The following LRRC75A variants were observed in gnomAD, a reference collection of about 807,000 sequenced individuals.
LRRC75A encodes leucine rich repeat containing 75A, also known as leucine-rich repeat-containing protein 75A.
Under a neutral mutation model 26.0 loss-of-function variants are expected in LRRC75A, and 12 were observed. The ratio of observed to expected loss-of-function variants is 0.46; its 90% confidence interval spans 0.30 to 0.75. The LOEUF is 0.75. Among genes scored for constraint, LRRC75A ranks in the 30% least tolerant of loss-of-function variants. The pLI, the probability that LRRC75A is intolerant of heterozygous loss-of-function variation, is 0.08. For synonymous variants in LRRC75A, 223 were observed against 219.3 expected (o/e 1.02, Z -0.15); for missense variants, 410 against 486.6 (o/e 0.84, Z 1.48).
At chr17:16,475,215 C>T (rs1003739994) in intron 1 of LRRC75A, among the ~76,000 whole-genome samples, 1 of 152,122 alleles carries the variant, frequency 6.6e-6, no homozygotes, top group African/African-American at 2.4e-5. Flanking sequence ...GGATGGGGCG[C>T]TCCAGAGCCC....
Position 16,456,242 on chromosome 17 carries a change from A to AAG in LRRC75A, c.375+6015_375+6016insCT, listed in dbSNP as rs1302873083. ...AGGAGGAAGAAGAGGAGAAAGGAGG[A>AAG]GAAGAAGGAAGAGGATCAGGAAGAG... On this transcript the variant is annotated intron_variant, in intron 2 of 3. Transcript: ENST00000470794. Among the ~76,000 whole-genome samples, 7 of 138,052 alleles carry AAG rather than the reference A, an allele frequency of 5.1e-5. 1 individual carries two copies. Among genetic ancestry groups the AAG allele is most frequent in the African/African-American group, 1.9e-4 (7 of 36,250 alleles). The allele number at this position is 138,052 out of a possible 152,430, so 90.6% of individuals were successfully genotyped here.
intron 1 of LRRC75A, among the ~76,000 whole-genome samples, chr17:16,479,921 G>A (rs539466652): frequency 2.0e-5 from 3 of 152,374 alleles, no homozygotes; most frequent in African/African-American, 7.2e-5. Context: ...TCTGTGACCT[G>A]TTAGGAAGCA....
chr17:16,460,511 T>TGA (rs1295521740), intron 2 of LRRC75A, among the ~76,000 whole-genome samples: 1 of 151,998 alleles, frequency 6.6e-6, no homozygotes, highest in Non-Finnish European at 1.5e-5. Flanking sequence ...AGGCAACCTG[T>TGA]GAGGGGCAGG....
At chr17:16,478,342 C>G (rs920232080) in intron 1 of LRRC75A, 2 of 152,042 alleles carry the variant, frequency 1.3e-5, no homozygotes, top group Non-Finnish European at 2.9e-5. Context: ...CACACTACCA[C>G]GCTCAGCTAA....
rs932574032 is a variant in LRRC75A, at chr17:16,462,866, G to T, written c.247-480C>A. ...GCCTCAGTGTTCCTTTGCCTTGGGG[G>T]TTTCTGAGTGGTGGGGTTGTAAGCA... On this transcript the variant is annotated intron_variant, in intron 1 of 3. Coordinates refer to ENST00000470794, the MANE Select transcript of LRRC75A (RefSeq NM_001113567.3). The surrounding 1 kb of genome is among the most constrained non-coding windows in gnomAD (Gnocchi z 4.6). The T allele has an allele frequency of 1.2e-5, 2 of 170,234 alleles. No individual in the cohort carries two copies. The highest frequency in any genetic ancestry group is 1.1e-4 in the Admixed American group (2 of 17,750). 10.5% of individuals were successfully genotyped at this position (170,234 alleles called of 1,614,324 possible). A position where few individuals can be genotyped will look rare whatever the true frequency, so the allele number is the denominator to read the frequency against.
rs2093569849 is a variant in LRRC75A, at chr17:16,445,009, T to C, written c.492-878A>G. Among the ~76,000 whole-genome samples, 3 of 151,320 alleles carry C rather than the reference T, an allele frequency of 2.0e-5. No individual in the cohort carries two copies. In the South Asian group the frequency reaches 6.3e-4, roughly 32 times the overall value. On this transcript the variant is annotated intron_variant, in intron 3 of 3. Transcript: ENST00000470794. Reference sequence around the variant, plus strand: ...GATTACAGGCGTCTGCCACCACGCCTGGCTAATTTTTGTATTTTTAGTAGA... The same window carrying C: ...GATTACAGGCGTCTGCCACCACGCCCGGCTAATTTTTGTATTTTTAGTAGA...
intron 1 of LRRC75A, among the ~76,000 whole-genome samples, chr17:16,474,640 T>C (rs1247504885): frequency 1.3e-5 from 2 of 152,092 alleles, no homozygotes; most frequent in African/African-American, 4.8e-5. Context: ...TTCTGGCAAA[T>C]GCATTCAAGT....
chr17:16,466,164 C>T (rs567036557), intron 1 of LRRC75A, among the ~76,000 whole-genome samples: 3 of 152,348 alleles, frequency 2.0e-5, no homozygotes, highest in South Asian at 4.1e-4. Flanking sequence ...CCCCCCTCCC[C>T]TAAGCCAGGC....
chr17:16,467,387 G>C (rs1343845714), intron 1 of LRRC75A, among the ~76,000 whole-genome samples: 1 of 152,212 alleles, frequency 6.6e-6, no homozygotes, highest in African/African-American at 2.4e-5. Flanking sequence ...ATTCACGTGT[G>C]TGCAAGGTAA....
intron 2 of LRRC75A, among the ~76,000 whole-genome samples, chr17:16,453,663 T>C (rs1283185410): frequency 6.6e-6 from 1 of 152,172 alleles, no homozygotes; most frequent in Non-Finnish European, 1.5e-5. Context: ...CTCTGAGCAC[T>C]GTTTGCATGA....
In LRRC75A at chr17:16,456,192, AAGG is replaced by A. The variant is rs1277442447; in HGVS notation, c.375+6063_375+6065del. Among the ~76,000 whole-genome samples the A allele has an allele frequency of 2.6e-3, 256 of 96,832 alleles. 9 individuals carry two copies. Among genetic ancestry groups the A allele is most frequent in the African/African-American group, 0.011 (243 of 22,270 alleles). The allele number at this position is 96,832 out of a possible 152,430, so 63.5% of individuals were successfully genotyped here. A position where few individuals can be genotyped will look rare whatever the true frequency, so the allele number is the denominator to read the frequency against. On this transcript the variant is annotated intron_variant, in intron 2 of 3. Coordinates refer to ENST00000470794, the MANE Select transcript of LRRC75A (RefSeq NM_001113567.3). ...GAGGGGTAGGAGGAGGAAGAGGAGGAAGGAGGAGGAAGAGGAGGAGGAAGAGGA... is the reference window on the plus strand; with the variant it reads ...GAGGGGTAGGAGGAGGAAGAGGAGGAAGGAGGAAGAGGAGGAGGAAGAGGA...
intron 2 of LRRC75A, among the ~76,000 whole-genome samples, chr17:16,453,779 T>C (rs1601109072): frequency 8.2e-6 from 1 of 122,548 alleles, no homozygotes; most frequent in East Asian, 1.9e-4. Context: ...TTTTCTGCCC[T>C]TCTGCTGCCC....
chr17:16,448,245 G>T (rs1450327417), intron 2 of LRRC75A: 1 of 411,324 alleles, frequency 2.4e-6, no homozygotes, highest in Non-Finnish European at 4.7e-6. Flanking sequence ...CCAAGTGCCT[G>T]CTGACCCCCT....
At chr17:16,471,518 G>C (rs888743648) in intron 1 of LRRC75A, among the ~76,000 whole-genome samples, 47 of 152,210 alleles carry the variant, frequency 3.1e-4, no homozygotes, top group African/African-American at 1.1e-3. Flanking sequence ...CACAGCTGCA[G>C]ACCTCAGCCA....
intron 1 of LRRC75A, among the ~76,000 whole-genome samples, chr17:16,490,672 C>T (rs982414394): frequency 6.6e-6 from 1 of 152,142 alleles, no homozygotes; most frequent in Non-Finnish European, 1.5e-5. Context: ...TTTGGAAGCT[C>T]CTCCCAAGAA....
rs115189949 is a variant in LRRC75A, at chr17:16,445,794, A to G, written c.492-1663T>C. On this transcript the variant is annotated intron_variant, in intron 3 of 3. Transcript: ENST00000470794. ...GTCATTAATAAAGACCCATTCCACC[A>G]GGGAAGCAGTGTGGTGGTGAACAGC... 3.9e-3 allele frequency among the ~76,000 whole-genome samples: 591 copies of G among 152,374 alleles called. 5 individuals are homozygous for G. Among genetic ancestry groups the G allele is most frequent in the African/African-American group, 0.013 (542 of 41,594 alleles).
In LRRC75A at chr17:16,444,053, CAGGTCTCGGG is replaced by C. The variant is rs776549656; in HGVS notation, c.560_569del (p.Ser187TrpfsTer4). 4 of 1,613,362 alleles carry C rather than the reference CAGGTCTCGGG, an allele frequency of 2.5e-6. No individual in the cohort carries two copies. The highest frequency in any genetic ancestry group is 3.4e-6 in the Non-Finnish European group (4 of 1,179,724). On this transcript the variant is annotated frameshift_variant, in exon 4 of 4. Coordinates refer to ENST00000470794, the MANE Select transcript of LRRC75A (RefSeq NM_001113567.3). LOFTEE classifies it high-confidence loss of function. ...GCTGTAGGTAGCTGGTCACCCGCTCCAGGTCTCGGGAGGTCAGTGGGATTCCCGACAGGTC... is the reference window on the plus strand; with the variant it reads ...GCTGTAGGTAGCTGGTCACCCGCTCCAGGTCAGTGGGATTCCCGACAGGTC...
At chr17:16,461,648 C>G (rs2093728398) in intron 2 of LRRC75A, among the ~76,000 whole-genome samples, 1 of 152,232 alleles carries the variant, frequency 6.6e-6, no homozygotes, top group Admixed American at 6.5e-5. Context: ...AAAGGACACT[C>G]AGCCTCAGAG....
chr17:16,485,706 G>A (rs1045350422), intron 1 of LRRC75A, among the ~76,000 whole-genome samples: 1 of 150,784 alleles, frequency 6.6e-6, no homozygotes, highest in East Asian at 1.9e-4. Context: ...GCGTGGGCGC[G>A]CATGCGTGGT....
Sources: gnomAD v4.1 joint callset for allele counts (sites outside exome capture counted in the v4.1 genomes callset) on GRCh38, gnomAD v4.1.1 for gene constraint, Gnocchi (gnomAD v3.1) non-coding constraint, MANE v1.5 for transcripts, NCBI Gene and HGNC (gene_info 2026-07-23, HGNC 2026-07-21) for gene names.